Variants in SLC10A7 observed in about 807,000 individuals in gnomAD.
SLC10A7 encodes the protein solute carrier family 10 member 7, also known as sodium/bile acid cotransporter 7.
Under a neutral mutation model 43.2 loss-of-function variants are expected in SLC10A7, and 29 were observed. The ratio of observed to expected loss-of-function variants is 0.67; its 90% CI spans 0.50 to 0.92. The LOEUF is 0.92. Ranked by LOEUF, SLC10A7 falls within the 40% of genes least tolerant of loss-of-function variation. The pLI, the probability that SLC10A7 is intolerant of heterozygous loss-of-function variation, is 0.00. For synonymous variants in SLC10A7, 152 were observed against 144.8 expected, an observed-to-expected ratio of 1.05 and a Z score of -0.35; for missense variants, 295 against 403.2, an observed-to-expected ratio of 0.73 and a Z score of 2.30.
intron 5 of SLC10A7, among the ~76,000 whole-genome samples, chr4:146,396,833 C>T (rs535288083): frequency 4.6e-4 from 70 of 151,536 alleles, no homozygotes; most frequent in African/African-American, 1.6e-3. Context: ...GGACCAGCCC[C>T]TTTAGAAATT....
rs578094910 is a variant in SLC10A7 at position 146,456,721 on chromosome 4, G to T, written c.397-13900C>A. 3.1e-3 allele frequency among the ~76,000 whole-genome samples: 468 copies of T among 152,016 alleles called. 2 individuals are homozygous for T. Among genetic ancestry groups the T allele is most frequent in the African/African-American group, 0.011 (436 of 41,506 alleles). On this transcript the variant is annotated intron_variant, in intron 4 of 11. Coordinates refer to ENST00000335472, the MANE Select transcript of SLC10A7 (RefSeq NM_001029998.6). Reference sequence around the variant, plus strand: ...CGAGTTTTAATTGGTGTCTCATTATGTAGGCATAATTGATTAAATCACGGA... The same window carrying T: ...CGAGTTTTAATTGGTGTCTCATTATTTAGGCATAATTGATTAAATCACGGA...
intron 4 of SLC10A7, among the ~76,000 whole-genome samples, chr4:146,483,462 C>T (rs1734659821): frequency 6.6e-6 from 1 of 150,858 alleles, no homozygotes; most frequent in Admixed American, 6.6e-5. Context: ...AAAAAAAAAC[C>T]CTACATCATA....
intron 3 of SLC10A7, among the ~76,000 whole-genome samples, chr4:146,508,350 C>T (rs1737120687): frequency 6.6e-6 from 1 of 152,174 alleles, no homozygotes; most frequent in Admixed American, 6.5e-5. Context: ...CCTTGAGTGG[C>T]CTACACATGG....
At chr4:146,422,034 T>C (rs1030323888) in intron 5 of SLC10A7, among the ~76,000 whole-genome samples, 1 of 152,212 alleles carries the variant, frequency 6.6e-6, no homozygotes, top group Non-Finnish European at 1.5e-5. Flanking sequence ...TCTTATATTC[T>C]TCATCACCAA....
rs17829893 is a variant in SLC10A7, at chr4:146,406,555, C to T, written c.435+36228G>A. 9.5e-3 allele frequency among the ~76,000 whole-genome samples: 1,441 copies of T among 152,290 alleles called. 8 individuals carry two copies. The highest frequency in any genetic ancestry group is 0.031 in the Middle Eastern group (9 of 294). On this transcript the variant is annotated intron_variant, in intron 5 of 11. Transcript: ENST00000335472. ...GATCTCCACACTCTGCTATGAACAA[C>T]TCAAATGGAGCGTGCTGTTTAATTA...
chr4:146,286,695 G>GGACTGTGTCTGGAGTGGTGAGAAC (rs1729995492), intron 9 of SLC10A7, among the ~76,000 whole-genome samples: 1 of 143,652 alleles, frequency 7.0e-6, no homozygotes, highest in Non-Finnish European at 1.5e-5. Context: ...GTGGTGAGGA[G>GGACTGTGTCTGGAGTGGTGAGAAC]GACTGTGTCT....
At chr4:146,425,360 G>C (rs1344324430) in intron 5 of SLC10A7, among the ~76,000 whole-genome samples, 2 of 152,202 alleles carry the variant, frequency 1.3e-5, no homozygotes, top group Non-Finnish European at 2.9e-5. Context: ...CTCCAGTAGA[G>C]CAATGATGAA....
intron 6 of SLC10A7, among the ~76,000 whole-genome samples, chr4:146,323,760 C>T (rs897992428): frequency 7.2e-5 from 11 of 152,098 alleles, no homozygotes; most frequent in African/African-American, 9.7e-5. Flanking sequence ...TGAAAACTGG[C>T]ACAAGACAGG....
intron 9 of SLC10A7, among the ~76,000 whole-genome samples, chr4:146,292,199 T>C (rs184609176): frequency 1.8e-4 from 27 of 152,296 alleles, no homozygotes; most frequent in Admixed American, 1.4e-3. Context: ...CTTCATTCTA[T>C]AGGCACTGGA....
At chr4:146,484,803 A>T (rs1401689617) in intron 4 of SLC10A7, among the ~76,000 whole-genome samples, 1 of 152,244 alleles carries the variant, frequency 6.6e-6, no homozygotes, top group African/African-American at 2.4e-5. Context: ...TATCACCACA[A>T]TGAAAATAAG....
chr4:146,451,298 C>T (rs911102882), intron 4 of SLC10A7, among the ~76,000 whole-genome samples: 3 of 147,816 alleles, frequency 2.0e-5, no homozygotes, highest in African/African-American at 7.5e-5. Flanking sequence ...TTCTACCACA[C>T]TTTTAAAGAA....
intron 5 of SLC10A7, among the ~76,000 whole-genome samples, chr4:146,367,305 G>GA (rs1736463778): frequency 6.6e-6 from 1 of 151,682 alleles, no homozygotes; most frequent in Non-Finnish European, 1.5e-5. Context: ...CTGTCCAATA[G>GA]AACTTTCTGT....
At chr4:146,305,778 A>G in intron 7 of SLC10A7, 148 bp downstream of exon 7, 1 of 678,538 alleles carries the variant, frequency 1.5e-6, no homozygotes, top group Non-Finnish European at 2.4e-6. Context: ...AGATGAGAAT[A>G]CTGTGATTGA....
chr4:146,405,076 G>T (rs1727570200), intron 5 of SLC10A7, among the ~76,000 whole-genome samples: 1 of 152,110 alleles, frequency 6.6e-6, no homozygotes, highest in Non-Finnish European at 1.5e-5. Flanking sequence ...CAGTTTACAG[G>T]AAGATTTACT....
intron 5 of SLC10A7, among the ~76,000 whole-genome samples, chr4:146,398,557 G>T (rs1479310584): frequency 1.3e-5 from 2 of 152,140 alleles, no homozygotes; most frequent in African/African-American, 4.8e-5. Flanking sequence ...CAGTGATCAG[G>T]AAGTCCTCTA....
rs1331220559 is a variant in SLC10A7 at position 146,309,480 on chromosome 4, G to A, written c.472-3471C>T. On this transcript the variant is annotated intron_variant, in intron 6 of 11. Transcript: ENST00000335472. ...AAGCCTGGGGAGAGGGATGGGAGTT[G>A]TGGTGAGAATTGGTATTTTTAACAA... is the stretch of plus-strand genomic sequence containing the variant. Among the ~76,000 whole-genome samples the A allele has an allele frequency of 5.3e-5, 8 of 152,238 alleles. No individual in the cohort carries two copies. The East Asian group carries it at 1.4e-3, about 26-fold the overall frequency.
intron 3 of SLC10A7, among the ~76,000 whole-genome samples, chr4:146,504,880 A>G (rs879183387): frequency 2.0e-5 from 3 of 152,236 alleles, no homozygotes; most frequent in Admixed American, 2.0e-4. Context: ...TTATGTGCAC[A>G]CACCCAAGAT....
intron 5 of SLC10A7, among the ~76,000 whole-genome samples, chr4:146,351,277 T>G (rs1578959832): frequency 6.7e-6 from 1 of 149,602 alleles, no homozygotes; most frequent in Non-Finnish European, 1.5e-5. Context: ...GAAGAAAGGG[T>G]ATCAGCAATG....
At chr4:146,337,420 C>T (rs909428245) in intron 5 of SLC10A7, among the ~76,000 whole-genome samples, 3 of 151,930 alleles carry the variant, frequency 2.0e-5, no homozygotes, top group Non-Finnish European at 4.4e-5. Flanking sequence ...GCAAACATTA[C>T]ACACAAGATA....
Sources: allele counts gnomAD v4.1 joint callset (sites outside exome capture counted in the v4.1 genomes callset), GRCh38; gene constraint gnomAD v4.1.1; transcripts MANE v1.5; gene names NCBI Gene and HGNC (gene_info 2026-07-23, HGNC 2026-07-21).